Variants in WWC2 observed in about 807,000 individuals in gnomAD.
WWC2 encodes protein WWC2.
A neutral mutation model predicts 138.5 loss-of-function variants in WWC2; 101 were observed. The observed-to-expected ratio is 0.73, with a 90% CI of 0.62 to 0.86. The LOEUF is 0.86. Among genes scored for constraint, WWC2 ranks in the 40% least tolerant of loss-of-function variants. WWC2 has a pLI of 0.00. For missense variants in WWC2, 1,420 were observed against 1,419.4 expected (o/e 1.00, Z -0.01); for synonymous variants, 558 against 538.4 (o/e 1.04, Z -0.50).
intron 4 of WWC2, among the ~76,000 whole-genome samples, chr4:183,209,794 A>C (rs1248780396): frequency 6.6e-6 from 1 of 152,204 alleles, no homozygotes; most frequent in East Asian, 1.9e-4. Context: ...TAAGGCCAGA[A>C]CTTGTTTATC....
intron 1 of WWC2, among the ~76,000 whole-genome samples, chr4:183,127,237 T>C (rs1258847408): frequency 1.3e-5 from 2 of 152,126 alleles, no homozygotes; most frequent in African/African-American, 4.8e-5. Context: ...AATAGATGAA[T>C]AATCTTCAAA....
intron 8 of WWC2, among the ~76,000 whole-genome samples, chr4:183,252,441 G>T (rs1035746510): frequency 2.0e-5 from 3 of 152,192 alleles, no homozygotes; most frequent in African/African-American, 7.2e-5. Context: ...TGACTCAGGT[G>T]GTTAGGACAT....
intron 1 of WWC2, among the ~76,000 whole-genome samples, chr4:183,143,098 C>T (rs1056682803): frequency 3.5e-4 from 53 of 152,296 alleles, no homozygotes; most frequent in African/African-American, 1.2e-3. Context: ...CATAATGAGA[C>T]ACTCATTTTT....
Position 183,193,595 on chromosome 4 carries a change from G to A in WWC2, c.132-4G>A, listed in dbSNP as rs372721302. ...ACTGGTGTGTCAATTCTGGTTTGTT[G>A]TAGGTTAACGAAGCCCTTGTCATTT... On this transcript the variant is annotated splice_polypyrimidine_tract_variant and splice_region_variant and intron_variant, in intron 1 of 22. Transcript: ENST00000403733. 1.5e-5 allele frequency: 24 copies of A among 1,613,404 alleles called. No individual in the cohort carries two copies. The highest frequency in any genetic ancestry group is 3.3e-4 in the Middle Eastern group (2 of 6,082).
At chr4:183,291,617 T>A (rs1384850732) in intron 21 of WWC2, among the ~76,000 whole-genome samples, 2 of 152,230 alleles carry the variant, frequency 1.3e-5, no homozygotes, top group African/African-American at 4.8e-5. Flanking sequence ...CAGAACTTTG[T>A]GTCTTTGGTT....
At chr4:183,275,157 A>C (rs77381066) in intron 16 of WWC2, among the ~76,000 whole-genome samples, 1 of 138,600 alleles carries the variant, frequency 7.2e-6, no homozygotes. Flanking sequence ...AGTTGATTTT[A>C]TCTTGTATCC....
chr4:183,151,922 A>G (rs1455761463), intron 1 of WWC2, among the ~76,000 whole-genome samples: 1 of 152,162 alleles, frequency 6.6e-6, no homozygotes, highest in Non-Finnish European at 1.5e-5. Flanking sequence ...TACCAGTACC[A>G]TGCTGAAAAA....
At chr4:183,303,436 C>G (rs796583733) in intron 21 of WWC2, among the ~76,000 whole-genome samples, 39 of 152,292 alleles carry the variant, frequency 2.6e-4, no homozygotes, top group African/African-American at 8.2e-4. Context: ...ACTAGGCAGC[C>G]TCTTAGCATA....
intron 21 of WWC2, among the ~76,000 whole-genome samples, chr4:183,298,284 G>A (rs571151790): frequency 1.3e-5 from 2 of 152,188 alleles, no homozygotes; most frequent in South Asian, 2.1e-4. Flanking sequence ...TGGGGATGCC[G>A]GTAACAGTTC....
At chr4:183,241,901 A>G (rs1736634749) in intron 5 of WWC2, among the ~76,000 whole-genome samples, 1 of 152,276 alleles carries the variant, frequency 6.6e-6, no homozygotes, top group Non-Finnish European at 1.5e-5. Context: ...AGGTTAGCCA[A>G]ACTTGCTGTC....
intron 21 of WWC2, among the ~76,000 whole-genome samples, chr4:183,300,833 G>T (rs73006721): frequency 5.3e-5 from 8 of 151,904 alleles, no homozygotes; most frequent in Non-Finnish European, 7.4e-5. Flanking sequence ...AACATCAGCA[G>T]CCATTACACT....
intron 18 of WWC2, among the ~76,000 whole-genome samples, 169 bp downstream of exon 18, chr4:183,283,075 T>C (rs3814420): frequency 0.049 from 7,528 of 152,302 alleles, 225 homozygotes; most frequent in South Asian, 0.085. Context: ...TCATAAATGC[T>C]TTAACGTTTT....
intron 1 of WWC2, among the ~76,000 whole-genome samples, chr4:183,192,157 G>A (rs1399778851): frequency 6.6e-6 from 1 of 152,224 alleles, no homozygotes; most frequent in African/African-American, 2.4e-5. Context: ...ATTCACATGT[G>A]CTTGTGTTAA....
At chr4:183,225,522 C>G (rs1736043769) in intron 4 of WWC2, among the ~76,000 whole-genome samples, 1 of 152,040 alleles carries the variant, frequency 6.6e-6, no homozygotes, top group African/African-American at 2.4e-5. Flanking sequence ...ATGAAAAGTC[C>G]AATCATGAGC....
intron 1 of WWC2, among the ~76,000 whole-genome samples, chr4:183,139,473 G>T (rs961958001): frequency 1.3e-5 from 2 of 152,094 alleles, no homozygotes; most frequent in African/African-American, 2.4e-5. Flanking sequence ...TTCCATCTCA[G>T]TAAATGTCAA....
At chr4:183,140,836 A>G (rs1733279365) in intron 1 of WWC2, among the ~76,000 whole-genome samples, 1 of 152,166 alleles carries the variant, frequency 6.6e-6, no homozygotes, top group South Asian at 2.1e-4. Flanking sequence ...TAGGCCAGAC[A>G]CTCAATTAAG....
intron 1 of WWC2, among the ~76,000 whole-genome samples, chr4:183,186,449 T>C (rs1734802976): frequency 6.6e-6 from 1 of 152,174 alleles, no homozygotes; most frequent in African/African-American, 2.4e-5. Flanking sequence ...TCCTCCTGTT[T>C]ACAGCCTCTA....
In WWC2 at chr4:183,284,246, T is replaced by C. The variant is rs1738170725; in HGVS notation, c.2904T>C (p.Thr968=). The C allele has an allele frequency of 6.2e-7, 1 of 1,613,968 alleles. No individual in the cohort carries two copies. Among genetic ancestry groups the C allele is most frequent in the Middle Eastern group, 1.6e-4 (1 of 6,062 alleles). Reference sequence around the variant, plus strand: ...TATAGGTTGACAAAGAGACAAACACTGATGAAGCCGCTAATGACAATATGG... The same window carrying C: ...TATAGGTTGACAAAGAGACAAACACCGATGAAGCCGCTAATGACAATATGG... ...IPTLVDKETN[T]DEAANDNMAV... is the part of the protein sequence containing the mutation. Residue 968 remains threonine, a synonymous_variant, in exon 19 of 23, where the codon ACT becomes ACC. Transcript: ENST00000403733.
intron 21 of WWC2, among the ~76,000 whole-genome samples, chr4:183,294,180 G>A (rs930324242): frequency 2.0e-5 from 3 of 152,148 alleles, no homozygotes. Flanking sequence ...GCAGGCCATA[G>A]TTTGCCAACT....
Sources: allele counts gnomAD v4.1 joint callset (sites outside exome capture counted in the v4.1 genomes callset), GRCh38; gene constraint gnomAD v4.1.1; transcripts MANE v1.5; gene names NCBI Gene and HGNC (gene_info 2026-07-23, HGNC 2026-07-21).